Variants in ASCC3 observed in about 807,000 individuals in gnomAD.
The protein encoded by ASCC3 is activating signal cointegrator 1 complex subunit 3.
ASCC3 carries 158 observed loss-of-function variants against 256.3 expected under a neutral mutation model. The ratio of observed to expected loss-of-function variants is 0.62; its 90% CI spans 0.54 to 0.70. The LOEUF is 0.70. Among genes scored for constraint, ASCC3 ranks in the 30% least tolerant of loss-of-function variants. The probability of loss-of-function intolerance (pLI) is 0.00; values close to 1 mark genes in which losing one functional copy is unlikely to be tolerated. For missense variants in ASCC3, 2,259 were observed against 2,626.0 expected, an observed-to-expected ratio of 0.86 and a Z score of 3.05; for synonymous variants, 948 against 883.4, an observed-to-expected ratio of 1.07 and a Z score of -1.30.
At chr6:100,546,661 A>G (rs916355795) in intron 36 of ASCC3, among the ~76,000 whole-genome samples, 1 of 152,130 alleles carries the variant, frequency 6.6e-6, no homozygotes, top group Non-Finnish European at 1.5e-5. Flanking sequence ...AAAAAATCCA[A>G]ATCCTGGCAT....
intron 14 of ASCC3, among the ~76,000 whole-genome samples, chr6:100,673,619 G>A (rs1177997785): frequency 6.6e-6 from 1 of 152,054 alleles, no homozygotes; most frequent in African/African-American, 2.4e-5. Flanking sequence ...TCTTTAAAAA[G>A]AGTCTCACTT....
intron 34 of ASCC3, among the ~76,000 whole-genome samples, chr6:100,595,537 T>TG (rs757798303): frequency 6.6e-6 from 1 of 152,168 alleles, no homozygotes; most frequent in Non-Finnish European, 1.5e-5. Flanking sequence ...GTTTGTTTTT[T>TG]GGGGGGCATC....
chr6:100,627,785 G>A (rs941484646), intron 28 of ASCC3, 57 bp downstream of exon 28: 59 of 1,610,560 alleles, frequency 3.7e-5, no homozygotes, highest in Non-Finnish European at 4.7e-5. Context: ...TCTCTTAAAA[G>A]GAATCATCAA....
intron 14 of ASCC3, among the ~76,000 whole-genome samples, chr6:100,674,883 C>T (rs1011335176): frequency 6.6e-6 from 1 of 151,912 alleles, no homozygotes; most frequent in African/African-American, 2.4e-5. Flanking sequence ...CTGCCTGCCT[C>T]GGCCTCCCAA....
intron 4 of ASCC3, among the ~76,000 whole-genome samples, chr6:100,808,762 A>G (rs1004220069): frequency 2.0e-5 from 3 of 151,944 alleles, no homozygotes; most frequent in Admixed American, 6.6e-5. Context: ...GAAATGCACC[A>G]CTAGGTGATT....
chr6:100,548,875 C>T (rs542175352), intron 36 of ASCC3, among the ~76,000 whole-genome samples: 3 of 151,866 alleles, frequency 2.0e-5, no homozygotes, highest in African/African-American at 7.2e-5. Flanking sequence ...AGTAACAAGC[C>T]TTATATATAC....
rs1260413436 is a variant in ASCC3, at chr6:100,608,464, TTA to T, written c.4786-1378_4786-1377del. On this transcript the variant is annotated intron_variant, in intron 30 of 41. Transcript: ENST00000369162. ...TATATATATTTTATATATATATACT[TTA>T]TATATATATACTTTATATATATACT... 3.4e-4 allele frequency among the ~76,000 whole-genome samples: 7 copies of T among 20,536 alleles called. 2 individuals are homozygous for T. The highest frequency in any genetic ancestry group is 1.8e-3 in the South Asian group (1 of 542). 13.5% of individuals were successfully genotyped at this position (20,536 alleles called of 152,430 possible). A position where few individuals can be genotyped will look rare whatever the true frequency, so the allele number is the denominator to read the frequency against.
chr6:100,778,195 G>C (rs1400207930), intron 8 of ASCC3, among the ~76,000 whole-genome samples: 2 of 151,974 alleles, frequency 1.3e-5, no homozygotes, highest in Admixed American at 1.3e-4. Flanking sequence ...GACAGACTGA[G>C]AGAGAAAAAT....
intron 8 of ASCC3, among the ~76,000 whole-genome samples, chr6:100,777,181 C>G (rs1442602595): frequency 6.6e-6 from 1 of 152,030 alleles, no homozygotes; most frequent in African/African-American, 2.4e-5. Context: ...TTTTAGATAA[C>G]TGGATAAATT....
chr6:100,856,511 T>C (rs1000128819), intron 3 of ASCC3: 7 of 739,400 alleles, frequency 9.5e-6, no homozygotes, highest in Non-Finnish European at 1.2e-5. Context: ...CAAGAAAATA[T>C]ACAGTACACA....
chr6:100,718,896 T>C (rs1471913822), intron 11 of ASCC3, among the ~76,000 whole-genome samples: 2 of 152,132 alleles, frequency 1.3e-5, no homozygotes, highest in Non-Finnish European at 2.9e-5. Context: ...CCTAAAAAGA[T>C]AAAACCAAGG....
chr6:100,584,891 A>T (rs903035681), intron 36 of ASCC3, among the ~76,000 whole-genome samples: 10 of 151,706 alleles, frequency 6.6e-5, no homozygotes, highest in Non-Finnish European at 1.2e-4. Flanking sequence ...TTCTTTTAAG[A>T]ATGTTGAATA....
At chr6:100,855,858 G>A (rs1320981065) in intron 3 of ASCC3, among the ~76,000 whole-genome samples, 1 of 152,150 alleles carries the variant, frequency 6.6e-6, no homozygotes, top group African/African-American at 2.4e-5. Context: ...GGTGAGAACT[G>A]TTATAACCAT....
At chr6:100,571,721 C>T (rs1412733389) in intron 36 of ASCC3, among the ~76,000 whole-genome samples, 1 of 152,100 alleles carries the variant, frequency 6.6e-6, no homozygotes, top group African/African-American at 2.4e-5. Context: ...AGATAGTATT[C>T]GAAACTGTTC....
chr6:100,604,002 T>C (rs771417792), intron 33 of ASCC3, among the ~76,000 whole-genome samples: 1 of 152,082 alleles, frequency 6.6e-6, no homozygotes, highest in African/African-American at 2.4e-5. Context: ...TTGTGTACGA[T>C]TGATGCTATT....
intron 4 of ASCC3, among the ~76,000 whole-genome samples, chr6:100,834,936 CAGA>C (rs879367784): frequency 1.3e-5 from 2 of 152,092 alleles, no homozygotes; most frequent in Non-Finnish European, 2.9e-5. Flanking sequence ...GAGAAAGCTC[CAGA>C]AGTTTATTTT....
intron 13 of ASCC3, among the ~76,000 whole-genome samples, chr6:100,706,379 C>G (rs7760406): frequency 0.063 from 9,488 of 150,494 alleles, 686 homozygotes; most frequent in East Asian, 0.3. Context: ...CCGGGAAGTT[C>G]TTTGTTGACC....
At chr6:100,661,660 C>T in intron 16 of ASCC3, 146 bp downstream of exon 16, 1 of 756,134 alleles carries the variant, frequency 1.3e-6, no homozygotes, top group Non-Finnish European at 2.3e-6. Context: ...AACAATAATG[C>T]CATTCACCCT....
chr6:100,741,937 A>G (rs752908571), intron 10 of ASCC3, among the ~76,000 whole-genome samples: 15 of 152,144 alleles, frequency 9.9e-5, no homozygotes, highest in Admixed American at 2.0e-4. Context: ...CATTTGGAGA[A>G]GAGGCATTGG....
Sources: allele counts gnomAD v4.1 joint callset (sites outside exome capture counted in the v4.1 genomes callset), GRCh38; gene constraint gnomAD v4.1.1; transcripts MANE v1.5; gene names NCBI Gene and HGNC (gene_info 2026-07-23, HGNC 2026-07-21).